Variants in TAF3 observed in about 807,000 individuals in gnomAD.
The protein encoded by TAF3 is transcription initiation factor TFIID subunit 3.
Under a neutral mutation model 80.6 loss-of-function variants are expected in TAF3, and 7 were observed. The observed-to-expected ratio is 0.09, with a 90% confidence interval of 0.05 to 0.16. TAF3 has a LOEUF of 0.16. Ranked by LOEUF, TAF3 falls within the 10% of genes least tolerant of loss-of-function variation. TAF3 has a pLI of 1.00. For synonymous variants in TAF3, 444 were observed against 446.1 expected, an observed-to-expected ratio of 1.00 and a Z score of 0.06; for missense variants, 921 against 1,140.2, an observed-to-expected ratio of 0.81 and a Z score of 2.77.
At chr10:7,944,336 A>G (rs1026716029) in intron 2 of TAF3, among the ~76,000 whole-genome samples, 2 of 152,106 alleles carry the variant, frequency 1.3e-5, no homozygotes, top group African/African-American at 4.8e-5. Context: ...CAGAAATTTG[A>G]CTCTTGTAAG....
intron 2 of TAF3, among the ~76,000 whole-genome samples, chr10:7,936,574 G>A (rs141594445): frequency 7.3e-5 from 11 of 151,492 alleles, no homozygotes; most frequent in Middle Eastern, 6.8e-3. Context: ...AGAAAGTACT[G>A]AGGGTTCCCA....
At chr10:7,842,643 T>C (rs1836929789) in intron 2 of TAF3, among the ~76,000 whole-genome samples, 1 of 152,206 alleles carries the variant, frequency 6.6e-6, no homozygotes, top group Non-Finnish European at 1.5e-5. Context: ...AAAAATTTAA[T>C]AGCTTGGTAT....
intron 2 of TAF3, among the ~76,000 whole-genome samples, chr10:7,931,131 T>G (rs1221767237): frequency 6.6e-6 from 1 of 152,214 alleles, no homozygotes; most frequent in East Asian, 1.9e-4. Context: ...TATACTTGAT[T>G]AATCCACCTG....
intron 4 of TAF3, among the ~76,000 whole-genome samples, chr10:8,004,129 C>A (rs1419223222): frequency 2.6e-5 from 4 of 152,064 alleles, no homozygotes; most frequent in Admixed American, 2.6e-4. Context: ...CGGCCCACTG[C>A]AACCTCTGCC....
chr10:7,876,231 A>T (rs1837311101), intron 2 of TAF3, among the ~76,000 whole-genome samples: 1 of 152,124 alleles, frequency 6.6e-6, no homozygotes, highest in East Asian at 1.9e-4. Context: ...AGACTGGATT[A>T]TTGTTTAGGG....
At chr10:7,950,762 T>C (rs1028790525) in intron 2 of TAF3, among the ~76,000 whole-genome samples, 8 of 152,222 alleles carry the variant, frequency 5.3e-5, no homozygotes, top group African/African-American at 1.2e-4. Context: ...CTGCCTTTGG[T>C]GTCAGCTCTC....
intron 3 of TAF3, among the ~76,000 whole-genome samples, chr10:7,968,144 A>C (rs1001061060): frequency 1.3e-5 from 2 of 152,190 alleles, no homozygotes; most frequent in African/African-American, 4.8e-5. Context: ...CTAAAGTGAG[A>C]CATATCTGCT....
At chr10:7,877,234 T>G (rs962687788) in intron 2 of TAF3, among the ~76,000 whole-genome samples, 1 of 152,176 alleles carries the variant, frequency 6.6e-6, no homozygotes, top group Non-Finnish European at 1.5e-5. Flanking sequence ...TTATACTGAT[T>G]TCATAATTTC....
intron 2 of TAF3, among the ~76,000 whole-genome samples, chr10:7,912,828 C>CT (rs142813928): frequency 0.031 from 4,755 of 152,188 alleles, 209 homozygotes; most frequent in African/African-American, 0.096. Context: ...GGCACTGGTG[C>CT]TTTTTTTCCT....
At chr10:7,976,253 T>C (rs1306316985) in intron 3 of TAF3, among the ~76,000 whole-genome samples, 3 of 151,582 alleles carry the variant, frequency 2.0e-5, no homozygotes, top group East Asian at 1.9e-4. Context: ...TTTTTTCTTT[T>C]TTTTTTTTTT....
At chr10:8,014,616 T>C in intron 6 of TAF3, 21 bp from the exon 7 acceptor site, 2 of 1,602,664 alleles carry the variant, frequency 1.2e-6, no homozygotes, top group South Asian at 2.2e-5. Context: ...GTTGCTTATC[T>C]GAGCTTGTTT....
At chr10:7,903,338 C>T (rs1168549156) in intron 2 of TAF3, among the ~76,000 whole-genome samples, 1 of 152,220 alleles carries the variant, frequency 6.6e-6, no homozygotes, top group South Asian at 2.1e-4. Context: ...GTGTCCATCT[C>T]AGCTTTTGAA....
chr10:7,878,902 A>G (rs1837334578), intron 2 of TAF3, among the ~76,000 whole-genome samples: 1 of 151,960 alleles, frequency 6.6e-6, no homozygotes, highest in Non-Finnish European at 1.5e-5. Context: ...TAACTTTTGT[A>G]TTTTTAGTAG....
At chr10:7,966,823 C>T (rs1831575874) in intron 3 of TAF3, among the ~76,000 whole-genome samples, 1 of 152,138 alleles carries the variant, frequency 6.6e-6, no homozygotes, top group Non-Finnish European at 1.5e-5. Flanking sequence ...CATTTTTCGC[C>T]TACCTTGATT....
intron 2 of TAF3, among the ~76,000 whole-genome samples, chr10:7,931,410 T>C (rs1053079324): frequency 3.3e-5 from 5 of 152,182 alleles, no homozygotes; most frequent in African/African-American, 1.2e-4. Context: ...GTCCCCTTAC[T>C]ATTTTCCCCT....
At chr10:7,994,991 A>AT (rs1446325303) in intron 4 of TAF3, among the ~76,000 whole-genome samples, 1 of 151,224 alleles carries the variant, frequency 6.6e-6, no homozygotes, top group Admixed American at 6.6e-5. Context: ...AAAAAAAAAA[A>AT]AAAAGAAAAA....
chr10:7,981,069 G>A (rs760376610), intron 4 of TAF3, among the ~76,000 whole-genome samples: 29 of 152,172 alleles, frequency 1.9e-4, no homozygotes, highest in Non-Finnish European at 3.8e-4. Context: ...CTTCTATAAA[G>A]CTCAAATTCA....
intron 2 of TAF3, among the ~76,000 whole-genome samples, chr10:7,900,018 A>G (rs11255431): frequency 0.089 from 13,486 of 152,014 alleles, 702 homozygotes; most frequent in South Asian, 0.15. Context: ...CTCATATCCA[A>G]CTCCCTTCTT....
intron 4 of TAF3, among the ~76,000 whole-genome samples, chr10:8,000,595 C>T (rs937049018): frequency 1.1e-4 from 17 of 151,696 alleles, no homozygotes; most frequent in Non-Finnish European, 1.2e-4. Flanking sequence ...AGCAAAACCC[C>T]GTCTCTACAC....
Sources: allele counts gnomAD v4.1 joint callset (sites outside exome capture counted in the v4.1 genomes callset), GRCh38; gene constraint gnomAD v4.1.1; transcripts MANE v1.5; gene names NCBI Gene and HGNC (gene_info 2026-07-23, HGNC 2026-07-21).